Variants in WDR41 observed in about 807,000 individuals in gnomAD.
The protein encoded by WDR41 is WD repeat-containing protein 41.
WDR41 carries 63 observed loss-of-function variants against 69.3 expected under a neutral mutation model. The ratio of observed to expected loss-of-function variants is 0.91; its 90% CI spans 0.74 to 1.12. The LOEUF (loss-of-function observed/expected upper bound fraction) is 1.12, where lower values mean the gene tolerates loss of function less well. WDR41 is among the 50% of genes most tolerant of loss of function. WDR41 has a pLI of 0.00. For missense variants in WDR41, 543 were observed against 534.5 expected (o/e 1.02, Z -0.16); for synonymous variants, 185 against 192.1 (o/e 0.96, Z 0.31).
chr5:77,534,560 A>G (rs1459337585), intron 1 of WDR41, among the ~76,000 whole-genome samples: 2 of 152,024 alleles, frequency 1.3e-5, no homozygotes, highest in African/African-American at 4.8e-5. Context: ...CAGCCTCCCA[A>G]GTAGCTGGGA....
intron 1 of WDR41, among the ~76,000 whole-genome samples, chr5:77,583,844 G>A (rs1743986758): frequency 6.6e-6 from 1 of 152,022 alleles, no homozygotes; most frequent in Non-Finnish European, 1.5e-5. Context: ...TATAAATATG[G>A]ATGCAAAAAT....
At chr5:77,474,033 C>A (rs13173529) in intron 2 of WDR41, among the ~76,000 whole-genome samples, 50,363 of 152,022 alleles carry the variant, frequency 0.33, 8,433 homozygotes, top group East Asian at 0.35. Context: ...TTGGAACCAA[C>A]CCAAATGTCC....
rs1035946107 is a variant in WDR41 at position 77,595,420 on chromosome 5, T to C, written c.42+25059A>G. 2.0e-5 allele frequency among the ~76,000 whole-genome samples: 3 copies of C among 152,338 alleles called. No homozygotes were observed. In the South Asian group the frequency reaches 6.2e-4, roughly 32 times the overall value. ...CAGTTACCAGCATGATTTGCTTTTA[T>C]TACCCTTCTGTTCAAGACCCTTGTT... On this transcript the variant is annotated intron_variant, in intron 1 of 5. Coordinates refer to the WDR41 transcript ENST00000509971.
intron 9 of WDR41, 69 bp from the exon 10 acceptor site, chr5:77,438,430 C>A: frequency 6.3e-7 from 1 of 1,578,572 alleles, no homozygotes. Context: ...GGATTTCCAG[C>A]CCTCATGTGA....
rs1024374693 is a variant in WDR41, at chr5:77,587,015, G to C, written c.42+33464C>G. Among the ~76,000 whole-genome samples, 8 of 150,274 alleles carry C rather than the reference G, an allele frequency of 5.3e-5. No homozygotes were observed. In the South Asian group the frequency reaches 8.6e-4, roughly 16 times the overall value. ...TTACAGGCGTGAGCCACCATGCCCG[G>C]CCCCCTGAATTTTTTATAAGGTTAA... On this transcript the variant is annotated intron_variant, in intron 1 of 5. Coordinates refer to the WDR41 transcript ENST00000509971.
At chr5:77,491,945 G>A (rs1182196789) in intron 1 of WDR41, 7 of 544,016 alleles carry the variant, frequency 1.3e-5, no homozygotes, top group Admixed American at 7.0e-5. Context: ...ACGGGGCCGG[G>A]GGTCTGCAGC....
At chr5:77,590,559 G>T (rs1052348274) in intron 1 of WDR41, among the ~76,000 whole-genome samples, 1 of 152,180 alleles carries the variant, frequency 6.6e-6, no homozygotes, top group Non-Finnish European at 1.5e-5. Flanking sequence ...GGGAAACTAG[G>T]TCAGAGCTGA....
At chr5:77,580,888 G>A (rs1409144893) in intron 1 of WDR41, among the ~76,000 whole-genome samples, 4 of 151,834 alleles carry the variant, frequency 2.6e-5, no homozygotes, top group Non-Finnish European at 5.9e-5. Flanking sequence ...CTTGGGAGGC[G>A]AAGCTTGCAG....
At chr5:77,472,782 A>C (rs1402912681) in intron 2 of WDR41, among the ~76,000 whole-genome samples, 10 of 152,070 alleles carry the variant, frequency 6.6e-5, no homozygotes, top group Non-Finnish European at 1.5e-4. Context: ...GATACAAACA[A>C]ATGGAAGAAC....
At chr5:77,596,563 A>G (rs776466137) in intron 1 of WDR41, among the ~76,000 whole-genome samples, 2 of 151,910 alleles carry the variant, frequency 1.3e-5, no homozygotes, top group African/African-American at 2.4e-5. Flanking sequence ...GAGTCTTGCT[A>G]TGCTGCCCAG....
chr5:77,435,192 CTA>C (rs1798892521), intron 12 of WDR41, among the ~76,000 whole-genome samples: 1 of 152,216 alleles, frequency 6.6e-6, no homozygotes, highest in African/African-American at 2.4e-5. Flanking sequence ...GCAAAGATAA[CTA>C]TGACACTGTA....
intron 1 of WDR41, among the ~76,000 whole-genome samples, chr5:77,571,260 T>C (rs1049553055): frequency 2.6e-5 from 4 of 151,886 alleles, no homozygotes; most frequent in Non-Finnish European, 4.4e-5. Context: ...GTTTGGAAAA[T>C]ATTGGGTCAT....
At chr5:77,566,007 G>A (rs965073534) in intron 1 of WDR41, among the ~76,000 whole-genome samples, 25 of 152,074 alleles carry the variant, frequency 1.6e-4, no homozygotes, top group South Asian at 8.3e-4. Flanking sequence ...AACCCTATGA[G>A]GATTTTAAAA....
At position 77,463,190 on chromosome 5, in the gene WDR41, GA is replaced by G; in HGVS notation, c.252del (p.Gln85LysfsTer3). 1 of 1,612,434 alleles carries G rather than the reference GA, an allele frequency of 6.2e-7. No homozygotes were observed. The highest frequency in any genetic ancestry group is 8.5e-7 in the Non-Finnish European group (1 of 1,179,220). Reference sequence around the variant, plus strand: ...AATGTAATAATAGCTGTTATCTTTTGAGTGTGTCCATTCAGTTCTAAAAGTT... The same window carrying G: ...AATGTAATAATAGCTGTTATCTTTTGGTGTGTCCATTCAGTTCTAAAAGTT... ...GEKLLELNGH[T>X]QKITAIITFP... is the part of the protein sequence containing the mutation. On this transcript the variant is annotated frameshift_variant, in exon 4 of 13. Transcript: ENST00000296679. LOFTEE classifies it high-confidence loss of function.
chr5:77,444,615 A>T (rs762354521), intron 8 of WDR41, among the ~76,000 whole-genome samples: 5 of 152,206 alleles, frequency 3.3e-5, no homozygotes, highest in Non-Finnish European at 5.9e-5. Context: ...CCTGTGATGT[A>T]CAATCCCAAG....
intron 2 of WDR41, among the ~76,000 whole-genome samples, chr5:77,465,961 A>C (rs1411928736): frequency 1.3e-5 from 2 of 152,002 alleles, no homozygotes; most frequent in African/African-American, 2.4e-5. Flanking sequence ...CAGTGCCTTC[A>C]CTGGCTCAGA....
At chr5:77,474,235 T>C (rs1451517472) in intron 2 of WDR41, among the ~76,000 whole-genome samples, 6 of 150,724 alleles carry the variant, frequency 4.0e-5, no homozygotes. Context: ...AACTGAACAA[T>C]GAGAACACAT....
chr5:77,562,583 A>G (rs1325177108), intron 1 of WDR41, among the ~76,000 whole-genome samples: 5 of 152,212 alleles, frequency 3.3e-5, no homozygotes, highest in Non-Finnish European at 5.9e-5. Flanking sequence ...AAAATTGCAT[A>G]TGTCCAAACT....
intron 1 of WDR41, among the ~76,000 whole-genome samples, chr5:77,588,693 G>T (rs6892732): frequency 0.022 from 3,349 of 152,166 alleles, 110 homozygotes; most frequent in African/African-American, 0.073. Context: ...CCAAATGATT[G>T]CTCCTATGCG....
Sources: gnomAD v4.1 joint callset for allele counts (sites outside exome capture counted in the v4.1 genomes callset) on GRCh38, gnomAD v4.1.1 for gene constraint, MANE v1.5 for transcripts, NCBI Gene and HGNC (gene_info 2026-07-23, HGNC 2026-07-21) for gene names.